SLC33A2: variants seen among roughly 807,000 people sequenced by gnomAD.
SLC33A2 encodes major facilitator superfamily domain containing 3.
the SLC33A2 span, chr8:144,510,742 G>A: frequency 6.2e-7 from 1 of 1,602,836 alleles, no homozygotes; most frequent in Non-Finnish European, 8.5e-7. Context: ...TGGCCTTGAG[G>A]AGGAAGAGAG....
At chr8:144,510,795 G>A in the SLC33A2 span, 7 of 1,611,376 alleles carry the variant, frequency 4.3e-6, no homozygotes, top group African/African-American at 4.0e-5. Context: ...CCCTCCCAGG[G>A]TCAGCCTTGC....
chr8:144,511,074 G>A, the SLC33A2 span: 17 of 1,608,390 alleles, frequency 1.1e-5, no homozygotes, highest in Admixed American at 1.7e-5. Context: ...TGGCTGATGG[G>A]TTGGGGCCAC....
the SLC33A2 span, chr8:144,509,704 T>A: frequency 6.4e-7 from 1 of 1,566,890 alleles, no homozygotes; most frequent in South Asian, 1.2e-5. Context: ...GCGCTGGCTG[T>A]GCAGCTGCTG....
chr8:144,510,891 C>G, the SLC33A2 span: 36 of 1,605,864 alleles, frequency 2.2e-5, no homozygotes, highest in East Asian at 6.9e-4. Context: ...AGCTGGCCCC[C>G]AGGGCCCTGC....
the SLC33A2 span, chr8:144,509,227 C>A: frequency 8.3e-7 from 1 of 1,205,178 alleles, no homozygotes; most frequent in South Asian, 1.7e-5. Context: ...GTCCCAGAAC[C>A]AAAGCCATGC....
At chr8:144,510,368 G>T in the SLC33A2 span, 5 of 1,612,270 alleles carry the variant, frequency 3.1e-6, no homozygotes, top group South Asian at 1.1e-5. Flanking sequence ...AGGTGAGCAG[G>T]GTGCCAGCAG....
chr8:144,509,373 G>A, the SLC33A2 span: 4 of 1,516,756 alleles, frequency 2.6e-6, no homozygotes, highest in South Asian at 4.9e-5. Flanking sequence ...CCTCTACCTG[G>A]TGCAGGGCCT....
At chr8:144,509,676 C>T in the SLC33A2 span, 2 of 1,557,498 alleles carry the variant, frequency 1.3e-6, no homozygotes, top group African/African-American at 1.4e-5. Flanking sequence ...TGCCGCCATG[C>T]AGGATGTGGC....
At chr8:144,509,390 C>A in the SLC33A2 span, 1 of 1,524,622 alleles carries the variant, frequency 6.6e-7, no homozygotes, top group Non-Finnish European at 8.7e-7. Flanking sequence ...GCCTGCCCTA[C>A]GGGCTCCAGT....
At chr8:144,510,753 G>A in the SLC33A2 span, 7 of 1,605,622 alleles carry the variant, frequency 4.4e-6, no homozygotes, top group Non-Finnish European at 6.0e-6. Context: ...AGGAAGAGAG[G>A]GGCCAGGAGC....
chr8:144,509,656 T>C, the SLC33A2 span: 2 of 1,549,394 alleles, frequency 1.3e-6, no homozygotes, highest in East Asian at 4.8e-5. Flanking sequence ...CTGCTGTTGT[T>C]GAACCTGGGT....
At chr8:144,510,640 C>T in the SLC33A2 span, 35 of 1,562,116 alleles carry the variant, frequency 2.2e-5, no homozygotes, top group East Asian at 2.0e-4. Context: ...GCTTCCGCCT[C>T]GGGGGCCTAG....
At chr8:144,509,547 C>T in the SLC33A2 span, 321 of 1,519,424 alleles carry the variant, frequency 2.1e-4, 2 homozygotes, top group Middle Eastern at 3.7e-4. Flanking sequence ...CTGGGTGACG[C>T]GCAGCACGGC....
the SLC33A2 span, chr8:144,510,723 G>GT: frequency 1.3e-6 from 2 of 1,593,294 alleles, no homozygotes; most frequent in Non-Finnish European, 1.7e-6. Context: ...ATCTTGAGAG[G>GT]TGAGGGGCTG....
the SLC33A2 span, chr8:144,510,920 G>A: frequency 1.2e-6 from 2 of 1,602,168 alleles, no homozygotes; most frequent in Non-Finnish European, 1.7e-6. Context: ...AGATGTAGCA[G>A]GGACACAAGA....
chr8:144,509,314 C>T, the SLC33A2 span: 4 of 1,433,992 alleles, frequency 2.8e-6, no homozygotes, highest in African/African-American at 1.5e-5. Context: ...CTCCCAGCCT[C>T]GCAGCCGGCC....
At chr8:144,510,404 C>T in the SLC33A2 span, 1 of 1,612,784 alleles carries the variant, frequency 6.2e-7, no homozygotes, top group South Asian at 1.1e-5. Flanking sequence ...CCTGCTGGAC[C>T]ACGGCGTTTC....
the SLC33A2 span, chr8:144,509,594 G>T: frequency 6.5e-7 from 1 of 1,539,654 alleles, no homozygotes. Context: ...TTGCCGGGCT[G>T]CCCCCTCCTG....
At chr8:144,510,983 C>A in the SLC33A2 span, 1 of 1,600,006 alleles carries the variant, frequency 6.2e-7, no homozygotes, top group Non-Finnish European at 8.5e-7. Flanking sequence ...GACCCCCACC[C>A]CCCTCAGGCC....
Sources: allele counts gnomAD v4.1 joint callset, GRCh38; gene constraint gnomAD v4.1.1; transcripts MANE v1.5; gene names NCBI Gene and HGNC (gene_info 2026-07-23, HGNC 2026-07-21).